The following MKLN1 variants were observed in gnomAD, a reference collection of about 807,000 sequenced individuals.
MKLN1 encodes the protein muskelin 1, also known as muskelin.
A neutral mutation model predicts 99.0 loss-of-function variants in MKLN1; 18 were observed. The ratio of observed to expected loss-of-function variants is 0.18; its 90% CI spans 0.13 to 0.27. The LOEUF (loss-of-function observed/expected upper bound fraction) is 0.27. Among genes scored for constraint, MKLN1 ranks in the 10% least tolerant of loss-of-function variants. The probability of loss-of-function intolerance (pLI) is 1.00; values close to 1 mark genes in which losing one functional copy is unlikely to be tolerated. For missense variants in MKLN1, 621 were observed against 875.9 expected (o/e 0.71, Z 3.67); for synonymous variants, 288 against 293.2 (o/e 0.98, Z 0.18).
rs1797316379 is a variant in MKLN1, at chr7:131,487,556, C to G, written c.2087-51C>G. ...TTGCTGCTGGTCTCAACTAGTTTTTCTGTTACATGTTTTAAACACAATGGA... is the reference window on the plus strand; with the variant it reads ...TTGCTGCTGGTCTCAACTAGTTTTTGTGTTACATGTTTTAAACACAATGGA... On this transcript the variant is annotated intron_variant, in intron 17 of 17. Transcript: ENST00000352689. The surrounding 1 kb of genome is among the most constrained non-coding windows in gnomAD (Gnocchi z 4.7). 2 of 1,576,732 alleles carry G rather than the reference C, an allele frequency of 1.3e-6. No homozygotes were observed. The highest frequency in any genetic ancestry group is 1.8e-5 in the Admixed American group (1 of 54,722).
intron 1 of MKLN1, among the ~76,000 whole-genome samples, chr7:131,374,659 T>C (rs950057843): frequency 6.6e-6 from 1 of 152,152 alleles, no homozygotes; most frequent in Non-Finnish European, 1.5e-5. Flanking sequence ...CCTTTAGCCT[T>C]ACAGTTTCCA....
At chr7:131,281,911 C>T (rs1416409459) in intron 3 of MKLN1, among the ~76,000 whole-genome samples, 3 of 151,990 alleles carry the variant, frequency 2.0e-5, no homozygotes, top group Admixed American at 6.6e-5. Flanking sequence ...TGGCCTCAAG[C>T]GTCCTCCCAC....
At chr7:131,217,309 A>G (rs1401437693) in intron 3 of MKLN1, among the ~76,000 whole-genome samples, 1 of 152,264 alleles carries the variant, frequency 6.6e-6, no homozygotes, top group Non-Finnish European at 1.5e-5. Context: ...GTGCTTACAC[A>G]GTACAGGAAA....
intron 9 of MKLN1, among the ~76,000 whole-genome samples, chr7:131,437,328 C>A (rs1795702702): frequency 6.6e-6 from 1 of 152,088 alleles, no homozygotes; most frequent in African/African-American, 2.4e-5. Flanking sequence ...TTGAAATTCA[C>A]TGATTCTAAA....
At chr7:131,440,186 T>C (rs1267484579) in intron 10 of MKLN1, among the ~76,000 whole-genome samples, 1 of 152,148 alleles carries the variant, frequency 6.6e-6, no homozygotes, top group Non-Finnish European at 1.5e-5. Flanking sequence ...CCAGAGGTGA[T>C]ATGTGTCAGA....
chr7:131,478,595 CTTTTTTTTTT>C lies in MKLN1; in HGVS notation c.2032-16_2032-7del, dbSNP rs3080645. On this transcript the variant is annotated intron_variant, in intron 16 of 17. Transcript: ENST00000352689. ...CACTTAGCCAGCTAATTTGCTGCTT[CTTTTTTTTTT>C]TTTTTTTTTTTAAACAGTTTCAGCT... is the stretch of plus-strand genomic sequence containing the variant. 1.4e-5 allele frequency: 17 copies of C among 1,238,460 alleles called. No homozygotes were observed. In the Admixed American group the frequency reaches 3.2e-4, roughly 23 times the overall value. 76.7% of individuals were successfully genotyped at this position (1,238,460 alleles called of 1,614,324 possible). A position where few individuals can be genotyped will look rare whatever the true frequency, so the allele number is the denominator to read the frequency against.
chr7:131,157,335 C>A (rs1795984456), intron 2 of MKLN1, among the ~76,000 whole-genome samples: 1 of 152,184 alleles, frequency 6.6e-6, no homozygotes, highest in Non-Finnish European at 1.5e-5. Flanking sequence ...GAGGTCAAGG[C>A]TGCAGTGAGC....
chr7:131,308,657 C>T (rs943017971), intron 3 of MKLN1, among the ~76,000 whole-genome samples: 12 of 152,048 alleles, frequency 7.9e-5, no homozygotes, highest in Middle Eastern at 3.4e-3. Flanking sequence ...ATGATCTCAG[C>T]TCACCGCAAC....
At chr7:131,144,508 T>G (rs545715599) in intron 2 of MKLN1, among the ~76,000 whole-genome samples, 37 of 151,632 alleles carry the variant, frequency 2.4e-4, no homozygotes, top group Non-Finnish European at 4.7e-4. Context: ...TTTTTCTTTT[T>G]AATTTTTATA....
At chr7:131,337,086 A>T (rs1372874486) in intron 1 of MKLN1, among the ~76,000 whole-genome samples, 1 of 152,190 alleles carries the variant, frequency 6.6e-6, no homozygotes. Flanking sequence ...ATCAGCCGTC[A>T]GACTTACTGT....
At chr7:131,328,200 C>A in intron 1 of MKLN1, 1 of 633,934 alleles carries the variant, frequency 1.6e-6, no homozygotes, top group Non-Finnish European at 2.7e-6. Context: ...AGAGCGAGCC[C>A]AGGGAGAAGG....
chr7:131,403,323 C>T (rs995906422), intron 6 of MKLN1, among the ~76,000 whole-genome samples: 3 of 152,204 alleles, frequency 2.0e-5, no homozygotes, highest in African/African-American at 7.2e-5. Context: ...TCAGCTTTCA[C>T]ACACTTGAAG....
At chr7:131,369,892 G>A (rs1279885111) in intron 1 of MKLN1, among the ~76,000 whole-genome samples, 1 of 152,118 alleles carries the variant, frequency 6.6e-6, no homozygotes, top group African/African-American at 2.4e-5. Flanking sequence ...GCTGGAGTGC[G>A]ATTGTGTGAT....
intron 2 of MKLN1, among the ~76,000 whole-genome samples, chr7:131,162,805 A>C (rs1479491022): frequency 1.3e-5 from 2 of 152,224 alleles, no homozygotes; most frequent in Non-Finnish European, 2.9e-5. Context: ...ACTCATGAAC[A>C]TTTTTTACAT....
At chr7:131,377,719 A>G (rs1033814343) in intron 2 of MKLN1, among the ~76,000 whole-genome samples, 1 of 152,146 alleles carries the variant, frequency 6.6e-6, no homozygotes, top group Non-Finnish European at 1.5e-5. Context: ...TTGCTTATTC[A>G]TTCATTAAAA....
At position 131,283,188 on chromosome 7, in the gene MKLN1, C is replaced by T. The variant is rs189073650; in HGVS notation, c.-179+80214C>T. On this transcript the variant is annotated intron_variant, in intron 3 of 7. Coordinates refer to the MKLN1 transcript ENST00000416992. ...ATCTAAGAATCTCAAAAGATCCTTC[C>T]GCTGTCGATGGCCATGACCCTCAGA... is the stretch of plus-strand genomic sequence containing the variant. Among the ~76,000 whole-genome samples, 93 of 152,256 alleles carry T rather than the reference C, an allele frequency of 6.1e-4. 1 individual carries two copies. The highest frequency in any genetic ancestry group is 1.8e-3 in the African/African-American group (75 of 41,546).
At chr7:131,446,705 C>T (rs938041706) in intron 12 of MKLN1, among the ~76,000 whole-genome samples, 2 of 152,034 alleles carry the variant, frequency 1.3e-5, no homozygotes, top group Non-Finnish European at 2.9e-5. Context: ...ACAAAAACAA[C>T]AAAAATATTT....
At chr7:131,148,267 T>C (rs977327359) in intron 2 of MKLN1, among the ~76,000 whole-genome samples, 1 of 152,188 alleles carries the variant, frequency 6.6e-6, no homozygotes, top group Non-Finnish European at 1.5e-5. Flanking sequence ...TATGACTTGT[T>C]ACTCATAGGA....
chr7:131,213,635 C>T (rs896493879), intron 3 of MKLN1, among the ~76,000 whole-genome samples: 5 of 152,290 alleles, frequency 3.3e-5, no homozygotes, highest in South Asian at 2.1e-4. Context: ...TGGTTGAAAA[C>T]GATGAGTCTA....
Sources: allele counts gnomAD v4.1 joint callset (sites outside exome capture counted in the v4.1 genomes callset), GRCh38; gene constraint gnomAD v4.1.1; non-coding constraint Gnocchi (gnomAD v3.1); transcripts MANE v1.5; gene names NCBI Gene and HGNC (gene_info 2026-07-23, HGNC 2026-07-21).